The following ZPR1 variants were observed in gnomAD, a reference collection of about 807,000 sequenced individuals.
ZPR1 encodes ZPR1 zinc finger, also known as zinc finger protein ZPR1.
Under a neutral mutation model 59.6 loss-of-function variants are expected in ZPR1, and 37 were observed. That is an observed-to-expected ratio of 0.62 (90% CI 0.48 to 0.82). ZPR1 has a LOEUF of 0.82. ZPR1 is among the 40% of genes least tolerant of loss of function. The pLI is 0.00. For missense variants in ZPR1, 527 were observed against 579.9 expected, an observed-to-expected ratio of 0.91 and a Z score of 0.94; for synonymous variants, 191 against 215.2, an observed-to-expected ratio of 0.89 and a Z score of 0.99.
intron 12 of ZPR1, among the ~76,000 whole-genome samples, chr11:116,781,751 G>A (rs906916689): frequency 5.9e-5 from 9 of 152,136 alleles, no homozygotes; most frequent in African/African-American, 1.9e-4. Context: ...GGTGGCTCAC[G>A]CCTGTAATCC....
chr11:116,786,270 G>A (rs188091665), intron 4 of ZPR1, among the ~76,000 whole-genome samples: 167 of 152,254 alleles, frequency 1.1e-3, no homozygotes, highest in African/African-American at 4.0e-3. Flanking sequence ...ATAACCCAAG[G>A]GGATTAGGAA....
chr11:116,784,904 T>C lies in ZPR1; in HGVS notation c.771A>G (p.Thr257=). The C allele has an allele frequency of 6.2e-7, 1 of 1,614,208 alleles. No homozygotes were observed. Among genetic ancestry groups the C allele is most frequent in the Non-Finnish European group, 8.5e-7 (1 of 1,180,022 alleles). Residue 257 remains threonine (T), a synonymous_variant, in exon 8 of 14, where the codon ACA becomes ACG. Transcript: ENST00000227322. ...DLRNEVLQFS[T]NCPECNAPAQ... is the part of the protein sequence containing the mutation. ...CGGGGGCATTGCATTCTGGGCAGTT[T>C]GTGCTGAACTGGAGCACCTGGAACA...
intron 6 of ZPR1, 123 bp downstream of exon 6, chr11:116,785,391 A>T (rs140051236): frequency 1.3e-5 from 19 of 1,420,870 alleles, no homozygotes; most frequent in Non-Finnish European, 1.8e-5. Context: ...CAAGATGAGA[A>T]GCACAAACAA....
intron 9 of ZPR1, 97 bp downstream of exon 9, chr11:116,784,281 C>T: frequency 1.5e-6 from 2 of 1,301,206 alleles, no homozygotes; most frequent in Non-Finnish European, 2.2e-6. Context: ...TACTCTACAC[C>T]CCCTGCCCCC....
Position 116,775,654 on chromosome 11 carries a change from AAAAAAAAAG to A in ZPR1, c.*3262_*3270del. On this transcript the variant is annotated 3_prime_UTR_variant, in exon 14 of 14. Transcript: ENST00000227322. Reference sequence around the variant, plus strand: ...AAAAAAAAAAAAAAAAAAAAAAAAAAAAAAAAAAGCTCTGCTTCCTTCTGGAAGTAACCT... The same window carrying A: ...AAAAAAAAAAAAAAAAAAAAAAAAAACTCTGCTTCCTTCTGGAAGTAACCT... The A allele has an allele frequency of 1.3e-5, 2 of 150,926 alleles. No homozygotes were observed. Among genetic ancestry groups the A allele is most frequent in the South Asian group, 4.5e-4 (2 of 4,486 alleles). 9.3% of individuals were successfully genotyped at this position (150,926 alleles called of 1,614,324 possible).
rs1940727473 is a variant in ZPR1, at chr11:116,776,565, C to A, written c.*2360G>T. The A allele has an allele frequency of 6.6e-6, 1 of 152,182 alleles. No homozygotes were observed. The highest frequency in any genetic ancestry group is 1.5e-5 in the Non-Finnish European group (1 of 68,040). 9.4% of individuals were successfully genotyped at this position (152,182 alleles called of 1,614,324 possible). On this transcript the variant is annotated 3_prime_UTR_variant, in exon 14 of 14. Transcript: ENST00000227322. ...GAGAAGGGTATGAAACTGAAGAATG[C>A]CTTGTCATCAAAGGGCAGGAAGTAC... is the stretch of plus-strand genomic sequence containing the variant.
At chr11:116,782,706 A>G (rs910374884) in intron 11 of ZPR1, among the ~76,000 whole-genome samples, 6 of 152,236 alleles carry the variant, frequency 3.9e-5, no homozygotes, top group Admixed American at 1.3e-4. Flanking sequence ...AAATAACTAT[A>G]AAGTCCCAAA....
rs1940830121 is a variant in ZPR1, at chr11:116,782,918, C to T, written c.1092+1G>A. The T allele has an allele frequency of 6.2e-7, 1 of 1,613,526 alleles. No homozygotes were observed. Among genetic ancestry groups the T allele is most frequent in the East Asian group, 2.2e-5 (1 of 44,894 alleles). On this transcript the variant is annotated splice_donor_variant, in intron 11 of 13. Transcript: ENST00000227322. LOFTEE classifies it high-confidence loss of function. ...GTTTACACACTACTCAAGTGACTCA[C>T]CAGTTCCCGGATGTCTTTCAGCAGC...
At chr11:116,779,950 CTA>C in intron 12 of ZPR1, 113 bp from the exon 13 acceptor site, 1 of 566,974 alleles carries the variant, frequency 1.8e-6, no homozygotes, top group Non-Finnish European at 3.2e-6. Context: ...ATGTAAATGA[CTA>C]GTTAATGGGT....
intron 7 of ZPR1, 22 bp from the exon 8 acceptor site, chr11:116,784,943 A>C (rs936901985): frequency 5.0e-6 from 8 of 1,613,888 alleles, no homozygotes; most frequent in Non-Finnish European, 5.9e-6. Context: ...CATGAGGACA[A>C]AGGGTGAGCC....
intron 2 of ZPR1, 162 bp from the exon 3 acceptor site, chr11:116,787,221 G>A (rs1053029813): frequency 1.0e-5 from 7 of 701,294 alleles, no homozygotes; most frequent in East Asian, 2.7e-5. Context: ...CAGGTGGTGT[G>A]AGCCAGGCTG....
chr11:116,778,615 T>TAG lies in ZPR1; in HGVS notation c.*308_*309dup, dbSNP rs1243443094. The TAG allele has an allele frequency of 3.4e-6, 1 of 291,936 alleles. No homozygotes were observed. Among genetic ancestry groups the TAG allele is most frequent in the Non-Finnish European group, 6.4e-6 (1 of 155,406 alleles). 18.1% of individuals were successfully genotyped at this position (291,936 alleles called of 1,614,324 possible). A position where few individuals can be genotyped will look rare whatever the true frequency, so the allele number is the denominator to read the frequency against. On this transcript the variant is annotated 3_prime_UTR_variant, in exon 14 of 14. Coordinates refer to ENST00000227322, the MANE Select transcript of ZPR1 (RefSeq NM_003904.5). The stretch of plus-strand genomic sequence containing the variant: ...ACTTCAGAGTTCCAACCTTAGAGGA[T>TAG]AGAGCATTATGTGGAAGGAGGGTGA...
At position 116,782,201 on chromosome 11, in the gene ZPR1, C is replaced by G. The variant is rs1204758552; in HGVS notation, c.1136G>C (p.Gly379Ala). The G allele has an allele frequency of 1.9e-6, 3 of 1,613,980 alleles. No homozygotes were observed. The African/African-American group carries it at 4.0e-5, about 22-fold the overall frequency. Residue 379 changes from glycine (G) to alanine (A), a missense_variant, in exon 12 of 14, where the codon GGA becomes GCA. Coordinates refer to ENST00000227322, the MANE Select transcript of ZPR1 (RefSeq NM_003904.5). ...AAACTCCTGTAGTCTCTCCGTCTGT[C>G]CAGGATTGGAACTGTCGCCCAGTGT... is the stretch of plus-strand genomic sequence containing the variant. Reference protein sequence around the residue: ...PFTLGDSSNPGQTERLQEFSQ... With the variant: ...PFTLGDSSNPAQTERLQEFSQ...
chr11:116,783,459 A>G, intron 10 of ZPR1, 71 bp downstream of exon 10: 1 of 1,352,412 alleles, frequency 7.4e-7, no homozygotes, highest in South Asian at 1.2e-5. Context: ...TCTAAAAGAC[A>G]ACTTCCCCTA....
chr11:116,776,864 T>TA lies in ZPR1; in HGVS notation c.*2060dup, dbSNP rs1940731005. 1 of 152,238 alleles carries TA rather than the reference T, an allele frequency of 6.6e-6. No individual in the cohort carries two copies. Among genetic ancestry groups the TA allele is most frequent in the Non-Finnish European group, 1.5e-5 (1 of 68,052 alleles). 9.4% of individuals were successfully genotyped at this position (152,238 alleles called of 1,614,324 possible). A position where few individuals can be genotyped will look rare whatever the true frequency, so the allele number is the denominator to read the frequency against. On this transcript the variant is annotated 3_prime_UTR_variant, in exon 14 of 14. Coordinates refer to ENST00000227322, the MANE Select transcript of ZPR1 (RefSeq NM_003904.5). ...AGATCAGAGGGTTGTCTGGTAAACT[T>TA]AGATTCCCAAGTCAGCTGGAAACAT... is the stretch of plus-strand genomic sequence containing the variant.
Position 116,778,493 on chromosome 11 carries a change from T to A in ZPR1, c.*432A>T, listed in dbSNP as rs1940752560. On this transcript the variant is annotated 3_prime_UTR_variant, in exon 14 of 14. Coordinates refer to ENST00000227322, the MANE Select transcript of ZPR1 (RefSeq NM_003904.5). ...ACTCCTTCACTTGTGCTGGACTCGG[T>A]CTCCCCTCAGGAGACTCCTTTCCTG... 6.1e-6 allele frequency: 1 copy of A among 163,958 alleles called. No individual in the cohort carries two copies. Among genetic ancestry groups the A allele is most frequent in the South Asian group, 1.7e-4 (1 of 5,980 alleles). 10.2% of individuals were successfully genotyped at this position (163,958 alleles called of 1,614,324 possible). A position where few individuals can be genotyped will look rare whatever the true frequency, so the allele number is the denominator to read the frequency against.
In ZPR1 at chr11:116,785,595, T is replaced by C. The variant is rs746262142; in HGVS notation, c.624A>G (p.Pro208=). The change falls in exon 6 of 14, where the codon CCA becomes CCG. Residue 208 remains proline, a synonymous_variant. Transcript: ENST00000227322. ...DPSGNSFVEN[P]HAPQKDDALV... is the part of the protein sequence containing the mutation. ...GGGCATCATCTTTCTGAGGAGCATG[T>C]GGGTTTTCCACAAAACTGTTCCCTG... 8.1e-6 allele frequency: 13 copies of C among 1,614,074 alleles called. No individual in the cohort carries two copies. Among genetic ancestry groups the C allele is most frequent in the Middle Eastern group, 1.6e-4 (1 of 6,084 alleles).
rs375619250 is a variant in ZPR1, at chr11:116,778,912, G to C, written c.*13C>G. On this transcript the variant is annotated 3_prime_UTR_variant, in exon 14 of 14. Transcript: ENST00000227322. ...AGAGCAGCGCTGGAGGCTGGCCCTT[G>C]AGCCACCCACTGCTACCGTTGCGGA... is the stretch of plus-strand genomic sequence containing the variant. The C allele has an allele frequency of 1.9e-6, 3 of 1,612,840 alleles. No individual in the cohort carries two copies. The highest frequency in any genetic ancestry group is 2.7e-5 in the African/African-American group (2 of 74,900).
Position 116,782,231 on chromosome 11 carries a change from G to C in ZPR1, c.1106C>G (p.Pro369Arg). ...KDIRELVTKN[P>R]FTLGDSSNPG... The stretch of plus-strand genomic sequence containing the variant: ...ATTGGAACTGTCGCCCAGTGTGAAA[G>C]GATTTTTGGTCACCTGCAATAAATG... Residue 369 changes from proline (P) to arginine (R), a missense_variant, in exon 12 of 14, where the codon CCT becomes CGT. Coordinates refer to ENST00000227322, the MANE Select transcript of ZPR1 (RefSeq NM_003904.5). The C allele has an allele frequency of 6.2e-7, 1 of 1,614,012 alleles. No individual in the cohort carries two copies. Among genetic ancestry groups the C allele is most frequent in the South Asian group, 1.1e-5 (1 of 91,066 alleles).
Sources: gnomAD v4.1 joint callset for allele counts (sites outside exome capture counted in the v4.1 genomes callset) on GRCh38, gnomAD v4.1.1 for gene constraint, MANE v1.5 for transcripts, NCBI Gene and HGNC (gene_info 2026-07-23, HGNC 2026-07-21) for gene names.